TEX14: variants seen among roughly 807,000 people sequenced by gnomAD.
TEX14 encodes inactive serine/threonine-protein kinase TEX14.
A neutral mutation model predicts 178.6 loss-of-function variants in TEX14; 168 were observed. That is an observed-to-expected ratio of 0.94 (90% CI 0.83 to 1.07). The LOEUF is 1.07. Ranked by LOEUF, TEX14 falls within the 50% of genes least tolerant of loss-of-function variation. The pLI is 0.00. For missense variants in TEX14, 1,730 were observed against 1,753.6 expected, an observed-to-expected ratio of 0.99 and a Z score of 0.24; for synonymous variants, 626 against 634.1, an observed-to-expected ratio of 0.99 and a Z score of 0.19.
At chr17:58,570,616 C>CTTTTTT (rs71143252) in intron 24 of TEX14, 132 bp from the exon 25 acceptor site, 2 of 87,980 alleles carry the variant, frequency 2.3e-5, no homozygotes, top group Non-Finnish European at 3.7e-5. Context: ...GGGAAGCCTC[C>CTTTTTT]TTTTTTTTTT....
intron 23 of TEX14, 152 bp from the exon 24 acceptor site, chr17:58,572,278 AAAC>A (rs2044551329): frequency 1.8e-6 from 1 of 563,148 alleles, no homozygotes; most frequent in Non-Finnish European, 3.1e-6. Context: ...ACAAACAAAC[AAAC>A]AAAACATCCA....
chr17:58,647,012 T>C (rs1325121779), intron 2 of TEX14, among the ~76,000 whole-genome samples: 1 of 151,704 alleles, frequency 6.6e-6, no homozygotes, highest in Admixed American at 6.6e-5. Flanking sequence ...TTCAAGCGAT[T>C]CTCCTGCCTC....
intron 1 of TEX14, among the ~76,000 whole-genome samples, chr17:58,685,997 A>AC (rs2047584448): frequency 4.0e-5 from 1 of 25,058 alleles, no homozygotes; most frequent in African/African-American, 2.3e-4. Context: ...TCTGTCTCAC[A>AC]AAAAAAAAAA....
chr17:58,643,216 T>C (rs1443592484), intron 2 of TEX14, among the ~76,000 whole-genome samples: 1 of 152,192 alleles, frequency 6.6e-6, no homozygotes, highest in South Asian at 2.1e-4. Flanking sequence ...AAAGCTGGCC[T>C]GTATGTTAAG....
At chr17:58,626,385 G>A (rs2046141368) in intron 3 of TEX14, among the ~76,000 whole-genome samples, 1 of 151,696 alleles carries the variant, frequency 6.6e-6, no homozygotes, top group South Asian at 2.1e-4. Flanking sequence ...AGCCAACATG[G>A]TGAAACCCCG....
intron 3 of TEX14, among the ~76,000 whole-genome samples, chr17:58,623,810 G>A (rs538701430): frequency 2.0e-5 from 3 of 148,930 alleles, no homozygotes; most frequent in East Asian, 3.9e-4. Context: ...AGAGGAGGAG[G>A]GGGAGGGAAG....
At chr17:58,628,316 C>T (rs1250091583) in intron 3 of TEX14, among the ~76,000 whole-genome samples, 2 of 152,094 alleles carry the variant, frequency 1.3e-5, no homozygotes, top group African/African-American at 2.4e-5. Flanking sequence ...CGGTGGCTCA[C>T]ATCTGTAATC....
chr17:58,631,688 C>G (rs1191393041), intron 2 of TEX14: 2 of 151,440 alleles, frequency 1.3e-5, no homozygotes, highest in East Asian at 3.9e-4. Flanking sequence ...CAACAGCAAA[C>G]AGCAGTTAGA....
At chr17:58,621,884 C>T (rs2046006991) in intron 4 of TEX14, 98 bp from the exon 5 acceptor site, 2 of 1,364,874 alleles carry the variant, frequency 1.5e-6, no homozygotes, top group Non-Finnish European at 2.0e-6. Flanking sequence ...GCTGAGAGCC[C>T]CCAACAGAAA....
At chr17:58,648,449 C>T (rs1437387689) in intron 2 of TEX14, among the ~76,000 whole-genome samples, 1 of 152,142 alleles carries the variant, frequency 6.6e-6, no homozygotes, top group East Asian at 1.9e-4. Context: ...TTACTGCTAG[C>T]CTCCTATGCT....
At chr17:58,616,717 C>T (rs1057462744) in intron 6 of TEX14, among the ~76,000 whole-genome samples, 1 of 152,188 alleles carries the variant, frequency 6.6e-6, no homozygotes, top group Non-Finnish European at 1.5e-5. Flanking sequence ...AGCCACCAGG[C>T]CTCACCACAA....
chr17:58,592,705 ATT>A, intron 15 of TEX14, among the ~76,000 whole-genome samples: 1 of 150,090 alleles, frequency 6.7e-6, no homozygotes, highest in Non-Finnish European at 1.5e-5. Flanking sequence ...CGCCCGGCTA[ATT>A]TATGTATTTT....
intron 1 of TEX14, among the ~76,000 whole-genome samples, chr17:58,688,555 ACT>A (rs959912376): frequency 1.3e-5 from 2 of 152,206 alleles, no homozygotes; most frequent in Non-Finnish European, 2.9e-5. Flanking sequence ...TTTATTATGT[ACT>A]TTTTTGTGTG....
At position 58,647,332 on chromosome 17, in the gene TEX14, C is replaced by T. The variant is rs182481343; in HGVS notation, c.136+4534G>A. Among the ~76,000 whole-genome samples the T allele has an allele frequency of 3.9e-3, 593 of 151,852 alleles. 5 individuals are homozygous for T. The highest frequency in any genetic ancestry group is 5.5e-3 in the Non-Finnish European group (375 of 67,928). On this transcript the variant is annotated intron_variant, in intron 2 of 31. Transcript: ENST00000349033. ...AGATCACAAGGTCAGGAGATCGAGACCATGCTGGCTAACACGGTGAAACCC... is the reference window on the plus strand; with the variant it reads ...AGATCACAAGGTCAGGAGATCGAGATCATGCTGGCTAACACGGTGAAACCC...
Position 58,570,402 on chromosome 17 carries a change from C to A in TEX14, c.3800G>T (p.Arg1267Ile). 1 of 1,516,800 alleles carries A rather than the reference C, an allele frequency of 6.6e-7. No homozygotes were observed. The highest frequency in any genetic ancestry group is 8.7e-7 in the Non-Finnish European group (1 of 1,144,994). The allele number at this position is 1,516,800 out of a possible 1,614,324, so 94.0% of individuals were successfully genotyped here. Reference protein sequence around the residue: ...CDSSPPHATQRRSLPKVEAFS... With the variant: ...CDSSPPHATQIRSLPKVEAFS... ...CAGGGTACCTTTAGGCAGGCTCCTT[C>A]TCTGGGTGGCATGGGGTGGTGATGA... Residue 1267 changes from arginine (R) to isoleucine (I), a missense_variant, in exon 25 of 32, where the codon AGA becomes ATA. Physicochemically the swap from Arg to Ile is moderately conservative, Grantham distance 97. Around this residue, in one of 2 missense-constraint regions of TEX14, gnomAD observed 941 missense variants for 1,072.4 expected, o/e 0.88. Transcript: ENST00000349033.
rs752443280 is a variant in TEX14, at chr17:58,593,554, C to T, written c.2576+1G>A. The T allele has an allele frequency of 5.6e-6, 9 of 1,611,800 alleles. No homozygotes were observed. The highest frequency in any genetic ancestry group is 7.6e-6 in the Non-Finnish European group (9 of 1,177,986). ...TTAAGAACAACAAAATGTTGACCCA[C>T]CTACTGGTATTTTGGATCCTGCTTG... On this transcript the variant is annotated splice_donor_variant, in intron 15 of 31. Transcript: ENST00000349033. LOFTEE classifies it high-confidence loss of function.
intron 1 of TEX14, among the ~76,000 whole-genome samples, chr17:58,689,994 C>T (rs1025229826): frequency 4.0e-5 from 6 of 151,768 alleles, no homozygotes; most frequent in Non-Finnish European, 7.4e-5. Context: ...GGACTACAGG[C>T]GCCCACCACC....
chr17:58,587,843 A>ACCCCCC, intron 16 of TEX14, 53 bp downstream of exon 16: 6 of 1,118,850 alleles, frequency 5.4e-6, no homozygotes, highest in Admixed American at 1.7e-5. Flanking sequence ...GGGTGCCAGA[A>ACCCCCC]CCCACCCCCA....
chr17:58,576,790 G>T (rs1372144492), intron 21 of TEX14, among the ~76,000 whole-genome samples: 1 of 152,060 alleles, frequency 6.6e-6, no homozygotes. Flanking sequence ...AACTTTTTGG[G>T]ATTGCTTTTC....
Sources: allele counts gnomAD v4.1 joint callset (sites outside exome capture counted in the v4.1 genomes callset), GRCh38; gene constraint gnomAD v4.1.1; regional missense constraint gnomAD v4.1.1; transcripts MANE v1.5; gene names NCBI Gene and HGNC (gene_info 2026-07-23, HGNC 2026-07-21).